Variants in KYNU observed in about 807,000 individuals in gnomAD.
The protein encoded by KYNU is L-kynurenine hydrolase.
A neutral mutation model predicts 59.2 loss-of-function variants in KYNU; 54 were observed. The observed-to-expected ratio is 0.91, with a 90% CI of 0.73 to 1.14. The LOEUF is 1.14. Among genes scored for constraint, KYNU ranks in the 50% most tolerant of loss-of-function variants. The probability of loss-of-function intolerance (pLI) is 0.00; values close to 1 mark genes in which losing one functional copy is unlikely to be tolerated. For synonymous variants in KYNU, 177 were observed against 192.0 expected (o/e 0.92, Z 0.65); for missense variants, 567 against 554.4 (o/e 1.02, Z -0.23).
intron 4 of KYNU, among the ~76,000 whole-genome samples, chr2:142,933,418 G>C (rs1683290165): frequency 6.6e-6 from 1 of 152,152 alleles, no homozygotes. Flanking sequence ...TGGGGCTTTA[G>C]CAGCTTGGTA....
chr2:142,928,952 G>A (rs538768289), intron 4 of KYNU, among the ~76,000 whole-genome samples: 231 of 139,122 alleles, frequency 1.7e-3, no homozygotes, highest in African/African-American at 6.1e-3. Context: ...AGGCTGCAGT[G>A]AGCCCAAATC....
intron 4 of KYNU, among the ~76,000 whole-genome samples, chr2:142,946,812 A>G (rs1467457563): frequency 2.0e-5 from 3 of 152,176 alleles, no homozygotes; most frequent in Non-Finnish European, 4.4e-5. Flanking sequence ...TTCTAGCCAT[A>G]AAGTCCTAGA....
chr2:142,889,070 C>T (rs1156385168), intron 2 of KYNU, among the ~76,000 whole-genome samples: 1 of 151,542 alleles, frequency 6.6e-6, no homozygotes, highest in Non-Finnish European at 1.5e-5. Flanking sequence ...TCGTGGTCCA[C>T]GTTTATGCTG....
intron 2 of KYNU, among the ~76,000 whole-genome samples, chr2:142,912,371 C>CT (rs60854220): frequency 0.033 from 2,981 of 89,442 alleles, 133 homozygotes; most frequent in African/African-American, 0.071. Context: ...TTTTGTATTT[C>CT]TTTTTTTTTT....
At chr2:142,987,627 G>A (rs1257598493) in intron 10 of KYNU, among the ~76,000 whole-genome samples, 1 of 151,922 alleles carries the variant, frequency 6.6e-6, no homozygotes, top group African/African-American at 2.4e-5. Context: ...TGATTGTTCA[G>A]TATTCTGGTC....
chr2:142,884,606 G>C (rs761411653), intron 1 of KYNU, among the ~76,000 whole-genome samples: 43 of 151,268 alleles, frequency 2.8e-4, no homozygotes, highest in Non-Finnish European at 5.7e-4. Context: ...ACATTTATTG[G>C]GAACTTACTC....
intron 10 of KYNU, among the ~76,000 whole-genome samples, chr2:142,988,186 G>C (rs1407062183): frequency 2.6e-5 from 4 of 151,826 alleles, no homozygotes; most frequent in Admixed American, 1.3e-4. Flanking sequence ...ACAGGAAAAA[G>C]ATGGGTGACA....
At chr2:142,978,623 C>T (rs969873093) in intron 8 of KYNU, among the ~76,000 whole-genome samples, 17 of 152,146 alleles carry the variant, frequency 1.1e-4, no homozygotes, top group African/African-American at 4.1e-4. Flanking sequence ...GGCTGATATT[C>T]GCAGACACCT....
intron 6 of KYNU, 79 bp downstream of exon 6, chr2:142,956,353 T>G (rs1313591793): frequency 1.1e-6 from 1 of 876,436 alleles, no homozygotes; most frequent in African/African-American, 1.7e-5. Flanking sequence ...CTTGAATGTT[T>G]ACTCACTAGG....
chr2:142,902,321 C>G (rs1682125918), intron 2 of KYNU, among the ~76,000 whole-genome samples: 1 of 152,196 alleles, frequency 6.6e-6, no homozygotes. Context: ...GAAGAAAAGT[C>G]TTGCCCCGTT....
At chr2:143,032,116 AAAT>A (rs1686764753) in intron 11 of KYNU, among the ~76,000 whole-genome samples, 1 of 151,530 alleles carries the variant, frequency 6.6e-6, no homozygotes, top group Non-Finnish European at 1.5e-5. Context: ...TCTCTACTAA[AAAT>A]ACAAAAAAAT....
chr2:142,994,951 A>G (rs917433151), intron 10 of KYNU, among the ~76,000 whole-genome samples: 3 of 152,096 alleles, frequency 2.0e-5, no homozygotes, highest in African/African-American at 7.2e-5. Context: ...AAATATATCC[A>G]TGAAAACTAG....
intron 2 of KYNU, among the ~76,000 whole-genome samples, chr2:142,897,371 T>A (rs1681914861): frequency 6.6e-6 from 1 of 152,346 alleles, no homozygotes; most frequent in Non-Finnish European, 1.5e-5. Flanking sequence ...ACTTAAGCAC[T>A]GTTCCAAATT....
At chr2:143,038,186 A>G (rs2104923877) in intron 12 of KYNU, among the ~76,000 whole-genome samples, 1 of 152,304 alleles carries the variant, frequency 6.6e-6, no homozygotes, top group African/African-American at 2.4e-5. Flanking sequence ...GCCCCCATGT[A>G]CATATTAGGG....
intron 2 of KYNU, among the ~76,000 whole-genome samples, chr2:142,911,312 T>C (rs946957438): frequency 3.3e-5 from 5 of 152,122 alleles, no homozygotes; most frequent in South Asian, 2.1e-4. Flanking sequence ...TGTTTTACTG[T>C]TTTTTCGCTG....
intron 2 of KYNU, among the ~76,000 whole-genome samples, chr2:142,908,026 T>C (rs140745916): frequency 1.4e-3 from 208 of 152,350 alleles, no homozygotes; most frequent in Middle Eastern, 6.8e-3. Context: ...AAGGAAAATA[T>C]AGGTAATTTC....
At chr2:143,038,260 A>T (rs1686942444) in intron 12 of KYNU, among the ~76,000 whole-genome samples, 1 of 152,174 alleles carries the variant, frequency 6.6e-6, no homozygotes, top group African/African-American at 2.4e-5. Context: ...TTAGAATATT[A>T]TTAAGCTCCA....
At chr2:142,892,527 T>C (rs1350993321) in intron 2 of KYNU, among the ~76,000 whole-genome samples, 1 of 152,194 alleles carries the variant, frequency 6.6e-6, no homozygotes, top group Admixed American at 6.5e-5. Flanking sequence ...GAATAGGGAA[T>C]ATAGGGTACT....
chr2:143,006,060 G>A (rs1026489104), intron 10 of KYNU, among the ~76,000 whole-genome samples: 4 of 152,182 alleles, frequency 2.6e-5, no homozygotes, highest in Admixed American at 2.6e-4. Context: ...GAGCCAAGAT[G>A]GCCGAATAGG....
Sources: gnomAD v4.1 joint callset for allele counts (sites outside exome capture counted in the v4.1 genomes callset) on GRCh38, gnomAD v4.1.1 for gene constraint, MANE v1.5 for transcripts, NCBI Gene and HGNC (gene_info 2026-07-23, HGNC 2026-07-21) for gene names.